UNG: variants seen among roughly 807,000 people sequenced by gnomAD.
UNG encodes uracil DNA glycosylase, also known as uracil-DNA glycosylase.
Under a neutral mutation model 36.5 loss-of-function variants are expected in UNG, and 34 were observed. The ratio of observed to expected loss-of-function variants is 0.93; its 90% confidence interval spans 0.71 to 1.24. UNG has a LOEUF of 1.24. UNG is among the 50% of genes most tolerant of loss of function. The probability of loss-of-function intolerance (pLI) is 0.00; values close to 1 mark genes in which losing one functional copy is unlikely to be tolerated. For synonymous variants in UNG, 172 were observed against 157.8 expected (o/e 1.09, Z -0.67); for missense variants, 391 against 397.6 (o/e 0.98, Z 0.14).
intron 6 of UNG, among the ~76,000 whole-genome samples, chr12:109,106,445 TC>T (rs1001537323): frequency 4.6e-5 from 7 of 152,104 alleles, no homozygotes; most frequent in African/African-American, 1.4e-4. Flanking sequence ...AGTGATTTGT[TC>T]GTTAGTTTTT....
At chr12:109,107,518 CTTTTTTTTTTT>C (rs34833015) in intron 6 of UNG, among the ~76,000 whole-genome samples, 3 of 89,436 alleles carry the variant, frequency 3.4e-5, no homozygotes, top group South Asian at 7.7e-4. Context: ...GACTATTCCT[CTTTTTTTTTTT>C]TTTTTTTTTT....
intron 3 of UNG, among the ~76,000 whole-genome samples, chr12:109,100,137 C>T (rs1384351797): frequency 3.3e-5 from 5 of 152,176 alleles, no homozygotes; most frequent in Admixed American, 1.3e-4. Flanking sequence ...AGGGCCACGT[C>T]CTACCTCTCA....
chr12:109,105,680 T>A (rs1226829441), intron 6 of UNG, among the ~76,000 whole-genome samples: 3 of 152,238 alleles, frequency 2.0e-5, no homozygotes, highest in African/African-American at 7.2e-5. Flanking sequence ...CAGCCAGATC[T>A]ATTACTGACA....
chr12:109,103,206 TC>T (rs1211024464), intron 5 of UNG, among the ~76,000 whole-genome samples: 4 of 152,188 alleles, frequency 2.6e-5, no homozygotes, highest in Non-Finnish European at 4.4e-5. Context: ...TCCGCCCGAC[TC>T]GGCTTCCCAA....
At chr12:109,107,985 CTT>C (rs1251117801) in intron 6 of UNG, among the ~76,000 whole-genome samples, 2 of 152,088 alleles carry the variant, frequency 1.3e-5, no homozygotes, top group African/African-American at 4.8e-5. Flanking sequence ...AATACAGTGT[CTT>C]GGGTATTTTT....
At chr12:109,103,891 A>G (rs1054117309) in intron 6 of UNG, among the ~76,000 whole-genome samples, 1 of 152,146 alleles carries the variant, frequency 6.6e-6, no homozygotes, top group African/African-American at 2.4e-5. Context: ...TGTCTACAAG[A>G]TACAAGTCCC....
At chr12:109,099,853 GATC>G (rs1220649800) in intron 3 of UNG, among the ~76,000 whole-genome samples, 1 of 152,152 alleles carries the variant, frequency 6.6e-6, no homozygotes, top group African/African-American at 2.4e-5. Context: ...AAAGTGGGAG[GATC>G]ATTTGAGGTC....
At chr12:109,102,241 C>T (rs544583519) in intron 4 of UNG, among the ~76,000 whole-genome samples, 24 of 152,254 alleles carry the variant, frequency 1.6e-4, no homozygotes, top group African/African-American at 5.5e-4. Flanking sequence ...CCAGGAGCAA[C>T]CCCCAGCTCG....
chr12:109,104,315 T>C (rs2042201227), intron 6 of UNG, among the ~76,000 whole-genome samples: 1 of 152,098 alleles, frequency 6.6e-6, no homozygotes, highest in African/African-American at 2.4e-5. Flanking sequence ...TCCAAAGTGC[T>C]AGGATTACAG....
chr12:109,100,428 G>A lies in UNG; in HGVS notation c.435+1144G>A, dbSNP rs140859900. The stretch of plus-strand genomic sequence containing the variant: ...TAATGAATATCTGTGAAATGACATA[G>A]AAGTGAAATAGGTGAATAAATCATC... On this transcript the variant is annotated intron_variant, in intron 3 of 6. Coordinates refer to ENST00000242576, the MANE Select transcript of UNG (RefSeq NM_080911.3). Among the ~76,000 whole-genome samples, 77 of 152,254 alleles carry A rather than the reference G, an allele frequency of 5.1e-4. 2 individuals are homozygous for A. In the East Asian group the frequency reaches 0.014, roughly 29 times the overall value.
In UNG at chr12:109,097,732, A is replaced by G. The variant is rs1358864015; in HGVS notation, c.53A>G (p.Lys18Arg). The change falls in exon 1 of 7, where the codon AAG (lysine) becomes AGG (arginine). Residue 18 changes from lysine (K) to arginine (R), a missense_variant. Physicochemically the swap from Lys to Arg is conservative, Grantham distance 26. Transcript: ENST00000242576. ...TTTTTCTCCCCCAGCCCCGCCAGGA[A>G]GCGACACGCCCCCAGCCCCGAGCCG... ...YSFFSPSPAR[K>R]RHAPSPEPAV... The G allele has an allele frequency of 6.3e-7, 1 of 1,587,576 alleles. No individual in the cohort carries two copies. Among genetic ancestry groups the G allele is most frequent in the South Asian group, 1.1e-5 (1 of 88,078 alleles).
rs112361043 is a variant in UNG at position 109,098,268 on chromosome 12, C to T, written c.133-164C>T. ...CAGTTTAGAACCTAATTCCCAATTCCCGGACCGGGCCCAGCCCTGGGCTCT... is the reference window on the plus strand; with the variant it reads ...CAGTTTAGAACCTAATTCCCAATTCTCGGACCGGGCCCAGCCCTGGGCTCT... On this transcript the variant is annotated intron_variant, in intron 1 of 6. Coordinates refer to ENST00000242576, the MANE Select transcript of UNG (RefSeq NM_080911.3). The T allele has an allele frequency of 7.9e-6, 12 of 1,526,126 alleles. No homozygotes were observed. In the Admixed American group the frequency reaches 1.3e-4, roughly 16 times the overall value. The allele number at this position is 1,526,126 out of a possible 1,614,324, so 94.5% of individuals were successfully genotyped here. A position where few individuals can be genotyped will look rare whatever the true frequency, so the allele number is the denominator to read the frequency against.
In UNG at chr12:109,101,967, T is replaced by C; in HGVS notation, c.501T>C (p.Phe167=). The change falls in exon 4 of 7, where the codon TTT becomes TTC. Residue 167 remains phenylalanine, a synonymous_variant. Coordinates refer to ENST00000242576, the MANE Select transcript of UNG (RefSeq NM_080911.3). ...CTAATCAAGCTCACGGGCTCTGCTT[T>C]AGTGTTCAAAGGCCTGTTCCGCCTC... ...HGPNQAHGLC[F]SVQRPVPPPP... The C allele has an allele frequency of 6.2e-7, 1 of 1,614,110 alleles. No homozygotes were observed. The highest frequency in any genetic ancestry group is 1.1e-5 in the South Asian group (1 of 91,088).
chr12:109,098,331 G>T (rs557013044), intron 1 of UNG, 101 bp from the exon 2 acceptor site: 105 of 1,599,900 alleles, frequency 6.6e-5, no homozygotes, highest in South Asian at 4.4e-4. Flanking sequence ...CCACAAATGG[G>T]CGTCTTCTGC....
intron 3 of UNG, among the ~76,000 whole-genome samples, chr12:109,100,267 C>T (rs1031902585): frequency 3.9e-5 from 6 of 152,184 alleles, no homozygotes; most frequent in African/African-American, 1.4e-4. Flanking sequence ...AATTGAAGTC[C>T]GTTGCCTGCC....
rs1376390125 is a variant in UNG, at chr12:109,110,611, T to C, written c.*642T>C. 7 of 153,832 alleles carry C rather than the reference T, an allele frequency of 4.6e-5. No individual in the cohort carries two copies. Among genetic ancestry groups the C allele is most frequent in the Admixed American group, 3.8e-4 (6 of 15,614 alleles). 9.5% of individuals were successfully genotyped at this position (153,832 alleles called of 1,614,324 possible). On this transcript the variant is annotated 3_prime_UTR_variant, in exon 7 of 7. Transcript: ENST00000242576. Reference sequence around the variant, plus strand: ...AAGTAAGCTGGGTCTTGTTATTCCTTGGGTGTTGGTGGAATAAGCAGTGGA... The same window carrying C: ...AAGTAAGCTGGGTCTTGTTATTCCTCGGGTGTTGGTGGAATAAGCAGTGGA...
At position 109,098,639 on chromosome 12, in the gene UNG, G is replaced by A. The variant is rs113426226; in HGVS notation, c.339+1G>A. The A allele has an allele frequency of 6.2e-7, 1 of 1,613,380 alleles. No individual in the cohort carries two copies. Among genetic ancestry groups the A allele is most frequent in the East Asian group, 2.2e-5 (1 of 44,894 alleles). ...GTTCGGGAAACCGTATTTTATCAAG[G>A]TAAATATGGAAATGCACCTTCCATA... On this transcript the variant is annotated splice_donor_variant, in intron 2 of 6. Coordinates refer to ENST00000242576, the MANE Select transcript of UNG (RefSeq NM_080911.3). LOFTEE classifies it high-confidence loss of function.
intron 3 of UNG, 74 bp from the exon 4 acceptor site, chr12:109,101,828 A>C: frequency 7.8e-7 from 1 of 1,280,782 alleles, no homozygotes; most frequent in Non-Finnish European, 1.1e-6. Flanking sequence ...TGTTTTGTTT[A>C]TGTTTGTTTG....
chr12:109,099,976 C>T (rs3219215), intron 3 of UNG, among the ~76,000 whole-genome samples: 1 of 152,066 alleles, frequency 6.6e-6, no homozygotes, highest in African/African-American at 2.4e-5. Context: ...GTGGGAGAAT[C>T]GCATGAGCCC....
Sources: gnomAD v4.1 joint callset for allele counts (sites outside exome capture counted in the v4.1 genomes callset) on GRCh38, gnomAD v4.1.1 for gene constraint, MANE v1.5 for transcripts, NCBI Gene and HGNC (gene_info 2026-07-23, HGNC 2026-07-21) for gene names.